Variants in AFAP1L2 observed in about 807,000 individuals in gnomAD.
AFAP1L2 encodes the protein actin filament associated protein 1 like 2, also known as actin filament-associated protein 1-like 2.
AFAP1L2 carries 46 observed loss-of-function variants against 99.3 expected under a neutral mutation model. That is an observed-to-expected ratio of 0.46 (90% CI 0.37 to 0.59). AFAP1L2 has a LOEUF of 0.59. AFAP1L2 is among the 20% of genes least tolerant of loss of function. The pLI is 0.00. For missense variants in AFAP1L2, 959 were observed against 1,034.9 expected (o/e 0.93, Z 1.01); for synonymous variants, 397 against 419.1 (o/e 0.95, Z 0.64).
chr10:114,340,570 G>C (rs751983337), intron 2 of AFAP1L2, 33 bp downstream of exon 2: 79 of 1,600,332 alleles, frequency 4.9e-5, no homozygotes, highest in Non-Finnish European at 6.6e-5. Context: ...TTTTGGCGTG[G>C]AGGCCTCTGC....
chr10:114,295,730 T>A lies in AFAP1L2; in HGVS notation c.*312A>T. ...AAGTCTAAACAGGAGGTTTTCACTA[T>A]TTAAAAATCTTAGTAAAGCAATTGA... On this transcript the variant is annotated 3_prime_UTR_variant, in exon 19 of 19. Coordinates refer to ENST00000304129, the MANE Select transcript of AFAP1L2 (RefSeq NM_001001936.3). 1 of 1,103,808 alleles carries A rather than the reference T, an allele frequency of 9.1e-7. No individual in the cohort carries two copies. 68.4% of individuals were successfully genotyped at this position (1,103,808 alleles called of 1,614,324 possible).
chr10:114,326,718 TG>T (rs1554902294), intron 4 of AFAP1L2, among the ~76,000 whole-genome samples: 1 of 152,172 alleles, frequency 6.6e-6, no homozygotes, highest in Non-Finnish European at 1.5e-5. Context: ...ATCCTTGCTA[TG>T]TGACTCCGAC....
At chr10:114,350,473 A>C (rs2050295832) in intron 1 of AFAP1L2, among the ~76,000 whole-genome samples, 1 of 152,174 alleles carries the variant, frequency 6.6e-6, no homozygotes, top group South Asian at 2.1e-4. Flanking sequence ...TGCTTGGAGA[A>C]CATCTGCCGA....
chr10:114,301,279 T>C, intron 13 of AFAP1L2, 75 bp downstream of exon 13: 1 of 1,250,074 alleles, frequency 8.0e-7, no homozygotes, highest in Admixed American at 1.8e-5. Flanking sequence ...TCTAATGATC[T>C]CTGGCATCCA....
chr10:114,356,296 G>C (rs910879341), intron 1 of AFAP1L2, among the ~76,000 whole-genome samples: 6 of 152,286 alleles, frequency 3.9e-5, no homozygotes, highest in African/African-American at 1.4e-4. Context: ...CAGATAATGA[G>C]TCGCCTCACA....
In AFAP1L2 at chr10:114,295,489, A is replaced by AGAT. The variant is rs2040064198; in HGVS notation, c.*550_*552dup. The AGAT allele has an allele frequency of 1.0e-6, 1 of 965,262 alleles. No individual in the cohort carries two copies. The highest frequency in any genetic ancestry group is 1.1e-4 in the East Asian group (1 of 8,820). 59.8% of individuals were successfully genotyped at this position (965,262 alleles called of 1,614,324 possible). A position where few individuals can be genotyped will look rare whatever the true frequency, so the allele number is the denominator to read the frequency against. On this transcript the variant is annotated 3_prime_UTR_variant, in exon 19 of 19. Transcript: ENST00000304129. Reference sequence around the variant, plus strand: ...AAACTCATGTCATAGATGGTTTTACAGATGATGGTTTTACAGATGATGTCA... The same window carrying AGAT: ...AAACTCATGTCATAGATGGTTTTACAGATGATGATGGTTTTACAGATGATGTCA...
downstream of AFAP1L2, chr10:114,290,512 A>G: frequency 8.9e-7 from 1 of 1,119,364 alleles, no homozygotes; most frequent in Non-Finnish European, 1.3e-6. Context: ...ACATTTAGTG[A>G]GTACCTCCTG....
chr10:114,295,839 A>C lies in AFAP1L2; in HGVS notation c.*203T>G, dbSNP rs1185167764. 7.1e-7 allele frequency: 1 copy of C among 1,405,580 alleles called. No homozygotes were observed. Among genetic ancestry groups the C allele is most frequent in the East Asian group, 2.5e-5 (1 of 39,972 alleles). The allele number at this position is 1,405,580 out of a possible 1,614,324, so 87.1% of individuals were successfully genotyped here. On this transcript the variant is annotated 3_prime_UTR_variant, in exon 19 of 19. Transcript: ENST00000304129. ...ATCCAATAGACTTAGGTCTCCAAAG[A>C]AGCCTCCTTTTTGTTGTATTATTTC...
intron 1 of AFAP1L2, among the ~76,000 whole-genome samples, chr10:114,365,887 G>T (rs1386826731): frequency 6.7e-6 from 1 of 148,322 alleles, no homozygotes; most frequent in Non-Finnish European, 1.5e-5. Context: ...GGGCCACCAT[G>T]CCCAGATAAT....
downstream of AFAP1L2, among the ~76,000 whole-genome samples, chr10:114,292,236 C>T (rs1334554971): frequency 9.9e-5 from 15 of 152,058 alleles, no homozygotes. Flanking sequence ...GAGATCTCAC[C>T]ACTGCACTCC....
At chr10:114,353,884 A>C (rs937062279) in intron 1 of AFAP1L2, among the ~76,000 whole-genome samples, 2 of 152,202 alleles carry the variant, frequency 1.3e-5, no homozygotes, top group Admixed American at 6.5e-5. Context: ...CCAAAGACCC[A>C]GGAGGCCAAG....
intron 2 of AFAP1L2, among the ~76,000 whole-genome samples, chr10:114,335,672 C>A (rs1222485840): frequency 6.6e-6 from 1 of 151,788 alleles, no homozygotes; most frequent in Admixed American, 6.6e-5. Context: ...TAGGATTCAT[C>A]CAGCATTGAA....
At chr10:114,327,582 G>T (rs1204872006) in intron 4 of AFAP1L2, among the ~76,000 whole-genome samples, 1 of 152,122 alleles carries the variant, frequency 6.6e-6, no homozygotes, top group Non-Finnish European at 1.5e-5. Flanking sequence ...ATCTTTTCAG[G>T]AAAGGGCCAA....
At chr10:114,305,934 G>A (rs576351628) in intron 10 of AFAP1L2, among the ~76,000 whole-genome samples, 61 of 128,932 alleles carry the variant, frequency 4.7e-4, no homozygotes, top group African/African-American at 1.6e-3. Flanking sequence ...GAGGGGACGG[G>A]GCTGCAGGAG....
chr10:114,335,475 T>C (rs981365654), intron 2 of AFAP1L2, among the ~76,000 whole-genome samples: 1 of 151,758 alleles, frequency 6.6e-6, no homozygotes, highest in African/African-American at 2.4e-5. Context: ...TAGCCAGGTG[T>C]AGTGGTGGGC....
At chr10:114,400,346 A>T (rs1430908762) in intron 1 of AFAP1L2, among the ~76,000 whole-genome samples, 1 of 152,162 alleles carries the variant, frequency 6.6e-6, no homozygotes, top group African/African-American at 2.4e-5. Context: ...TTTCAGCACC[A>T]AAAGTGACCT....
chr10:114,404,354 C>T (rs2058523463), intron 1 of AFAP1L2, 86 bp downstream of exon 1: 3 of 1,423,328 alleles, frequency 2.1e-6, no homozygotes, highest in South Asian at 2.4e-5. Context: ...ATCCCGAGTC[C>T]TGGCAAGACG....
At chr10:114,330,186 C>A (rs973048100) in intron 4 of AFAP1L2, among the ~76,000 whole-genome samples, 1 of 152,196 alleles carries the variant, frequency 6.6e-6, no homozygotes, top group Non-Finnish European at 1.5e-5. Context: ...GAGTCAGATC[C>A]TCAGCTGTGG....
intron 1 of AFAP1L2, among the ~76,000 whole-genome samples, chr10:114,383,026 C>A (rs533409772): frequency 6.2e-4 from 94 of 152,158 alleles, no homozygotes; most frequent in African/African-American, 2.2e-3. Flanking sequence ...ATGTATATAA[C>A]AAACACTCAC....
Sources: allele counts gnomAD v4.1 joint callset (sites outside exome capture counted in the v4.1 genomes callset), GRCh38; gene constraint gnomAD v4.1.1; transcripts MANE v1.5; gene names NCBI Gene and HGNC (gene_info 2026-07-23, HGNC 2026-07-21).